The following C6orf62 variants were observed in gnomAD, a reference collection of about 807,000 sequenced individuals.
C6orf62 encodes the protein uncharacterized protein C6orf62.
In C6orf62, 16 loss-of-function variants were observed where a neutral mutation model predicts 26.8. That is an observed-to-expected ratio of 0.60 (90% confidence interval 0.40 to 0.91). The LOEUF (loss-of-function observed/expected upper bound fraction) is 0.91, where lower values mean the gene tolerates loss of function less well. Among genes scored for constraint, C6orf62 ranks in the 40% least tolerant of loss-of-function variants. C6orf62 has a pLI of 0.00. For missense variants in C6orf62, 192 were observed against 271.4 expected (o/e 0.71, Z 2.06); for synonymous variants, 112 against 91.5 (o/e 1.22, Z -1.28).
At position 24,716,169 on chromosome 6, in the gene C6orf62, A is replaced by G; in HGVS notation, c.285T>C (p.Pro95=). The G allele has an allele frequency of 6.2e-7, 1 of 1,614,036 alleles. No individual in the cohort carries two copies. Among genetic ancestry groups the G allele is most frequent in the Non-Finnish European group, 8.5e-7 (1 of 1,179,920 alleles). ...LQKDVVQLHA[P]RYQSMRRDVI... The stretch of plus-strand genomic sequence containing the variant: ...TTACCCTTCTCATAGACTGATATCG[A>G]GGAGCATGGAGCTGTACCACATCCT... Residue 95 remains proline (P), a synonymous_variant, in exon 2 of 5, where the codon CCT becomes CCC. Coordinates refer to ENST00000378119, the MANE Select transcript of C6orf62 (RefSeq NM_030939.5).
intron 1 of C6orf62, among the ~76,000 whole-genome samples, chr6:24,718,012 T>TA (rs1779268439): frequency 1.3e-5 from 2 of 152,144 alleles, no homozygotes; most frequent in South Asian, 4.1e-4. Flanking sequence ...GAACTCTAAG[T>TA]AAAAAAGAAA....
upstream of C6orf62, chr6:24,719,710 G>C (rs1225093494): frequency 6.7e-7 from 1 of 1,501,558 alleles, no homozygotes. Context: ...CGTTCAAAAT[G>C]GTGGGGAGTG....
At chr6:24,717,582 C>G (rs1439567611) in intron 1 of C6orf62, among the ~76,000 whole-genome samples, 1 of 152,152 alleles carries the variant, frequency 6.6e-6, no homozygotes, top group Non-Finnish European at 1.5e-5. Flanking sequence ...TCACTTTAGC[C>G]CAGGAGTTCA....
intron 3 of C6orf62, among the ~76,000 whole-genome samples, 190 bp downstream of exon 3, chr6:24,714,128 C>T (rs2127634849): frequency 6.6e-6 from 1 of 152,318 alleles, no homozygotes; most frequent in East Asian, 1.9e-4. Context: ...GCAGGTGGAA[C>T]CACCACACTG....
At chr6:24,720,011 A>G, upstream of C6orf62, 4 of 1,502,108 alleles carry the variant, frequency 2.7e-6, no homozygotes, top group East Asian at 2.5e-5. Context: ...CTTCTAAAGT[A>G]AGCCCACCCA....
chr6:24,720,053 A>C (rs904860178), upstream of C6orf62: 3 of 1,342,850 alleles, frequency 2.2e-6, no homozygotes, highest in Non-Finnish European at 2.9e-6. Flanking sequence ...TTCCCGGATT[A>C]GCTCTCTCTC....
chr6:24,710,689 A>G, intron 3 of C6orf62: 1 of 907,840 alleles, frequency 1.1e-6, no homozygotes, highest in Non-Finnish European at 1.3e-6. Context: ...AGGACAAAGT[A>G]GTAATGGTAA....
In C6orf62 at chr6:24,705,155, A is replaced by G. The variant is rs987197917; in HGVS notation, c.*982T>C. ...TCTGCTTTTAGAACTTTGACACTCA[A>G]TGGTTAATTTTACAATTTAAGATTC... On this transcript the variant is annotated 3_prime_UTR_variant, in exon 5 of 5. Transcript: ENST00000378119. The G allele has an allele frequency of 2.6e-5, 4 of 152,322 alleles. No homozygotes were observed. Among genetic ancestry groups the G allele is most frequent in the Admixed American group, 6.6e-5 (1 of 15,258 alleles). The allele number at this position is 152,322 out of a possible 1,614,324, so 9.4% of individuals were successfully genotyped here.
At chr6:24,714,161 C>T (rs187559663) in intron 3 of C6orf62, among the ~76,000 whole-genome samples, 157 bp downstream of exon 3, 132 of 152,306 alleles carry the variant, frequency 8.7e-4, no homozygotes, top group Admixed American at 2.9e-3. Flanking sequence ...ATAATCCAAA[C>T]GCTTTCTTCT....
chr6:24,710,351 C>T (rs549077169), intron 3 of C6orf62: 112 of 585,730 alleles, frequency 1.9e-4, no homozygotes, highest in South Asian at 5.4e-4. Context: ...CTGCAACCTC[C>T]GCCTCCTGGG....
At chr6:24,715,915 A>G (rs536210471) in intron 2 of C6orf62, among the ~76,000 whole-genome samples, 3 of 151,198 alleles carry the variant, frequency 2.0e-5, no homozygotes, top group Non-Finnish European at 4.4e-5. Context: ...AAATCCCTTT[A>G]TATACTTCAT....
upstream of C6orf62, chr6:24,719,375 G>C: frequency 1.0e-6 from 1 of 1,003,816 alleles, no homozygotes; most frequent in Non-Finnish European, 1.2e-6. Flanking sequence ...GTGCAAAATC[G>C]GTAGAGAAGG....
At chr6:24,713,846 G>C (rs565804431) in intron 3 of C6orf62, among the ~76,000 whole-genome samples, 1 of 152,292 alleles carries the variant, frequency 6.6e-6, no homozygotes, top group South Asian at 2.1e-4. Context: ...ACAGTCAAAA[G>C]TCAGCAAGAT....
intron 3 of C6orf62, 46 bp downstream of exon 3, chr6:24,714,272 T>C (rs369911169): frequency 1.2e-4 from 183 of 1,490,674 alleles, no homozygotes; most frequent in Middle Eastern, 1.1e-3. Context: ...TATATTCTAG[T>C]AGTTTTCACA....
chr6:24,720,297 CG>C, upstream of C6orf62: 1 of 1,285,140 alleles, frequency 7.8e-7, no homozygotes. Context: ...GCGGCGGCGG[CG>C]GGGGCGCTGC....
At position 24,708,892 on chromosome 6, in the gene C6orf62, T is replaced by C. The variant is rs758568134; in HGVS notation, c.449A>G (p.His150Arg). The C allele has an allele frequency of 1.9e-6, 3 of 1,614,084 alleles. No homozygotes were observed. Among genetic ancestry groups the C allele is most frequent in the Non-Finnish European group, 2.5e-6 (3 of 1,180,006 alleles). Reference protein sequence around the residue: ...RPVQAKFEFHHGDYEKQFLHV... With the variant: ...RPVQAKFEFHRGDYEKQFLHV... ...CAGAAACTGTTTTTCATAGTCACCA[T>C]GATGAAACTCAAATTTGGCCTAATT... is the stretch of plus-strand genomic sequence containing the variant. Residue 150 changes from histidine (H) to arginine (R), a missense_variant, in exon 4 of 5, where the codon CAT (histidine) becomes CGT (arginine). Physicochemically the swap from His to Arg is conservative, Grantham distance 29 (BLOSUM62 0). Transcript: ENST00000378119.
Position 24,716,449 on chromosome 6 carries a change from C to T in C6orf62, c.130-125G>A, listed in dbSNP as rs186359674. The T allele has an allele frequency of 2.1e-4, 136 of 651,770 alleles. 1 individual carries two copies. The highest frequency in any genetic ancestry group is 1.8e-3 in the Admixed American group (62 of 35,424). The allele number at this position is 651,770 out of a possible 1,614,324, so 40.4% of individuals were successfully genotyped here. On this transcript the variant is annotated intron_variant, in intron 1 of 4. Coordinates refer to ENST00000378119, the MANE Select transcript of C6orf62 (RefSeq NM_030939.5). ...TTAACTGTCTGCAGTAACTTATACA[C>T]TGAAAACACATTTTCAGATAGGTAA...
intron 3 of C6orf62, 37 bp downstream of exon 3, chr6:24,714,281 C>T (rs1450678776): frequency 2.6e-6 from 4 of 1,541,474 alleles, no homozygotes; most frequent in Non-Finnish European, 3.5e-6. Flanking sequence ...GTAGTTTTCA[C>T]ATATTGAAAT....
At chr6:24,718,479 C>G in intron 1 of C6orf62, 61 bp downstream of exon 1, 1 of 1,462,138 alleles carries the variant, frequency 6.8e-7, no homozygotes, top group Middle Eastern at 1.8e-4. Context: ...TTAAGAGTAA[C>G]AAATAATATA....
Sources: gnomAD v4.1 joint callset for allele counts (sites outside exome capture counted in the v4.1 genomes callset) on GRCh38, gnomAD v4.1.1 for gene constraint, MANE v1.5 for transcripts, NCBI Gene and HGNC (gene_info 2026-07-23, HGNC 2026-07-21) for gene names.